ERBB4: variants seen among roughly 807,000 people sequenced by gnomAD.
ERBB4 encodes the protein receptor tyrosine-protein kinase erbB-4.
ERBB4 carries 42 observed loss-of-function variants against 158.0 expected under a neutral mutation model. The observed-to-expected ratio is 0.27, with a 90% confidence interval of 0.21 to 0.34. ERBB4 has a LOEUF of 0.34. ERBB4 is among the 10% of genes least tolerant of loss of function. ERBB4 has a pLI of 1.00. For missense variants in ERBB4, 1,333 were observed against 1,624.1 expected, an observed-to-expected ratio of 0.82 and a Z score of 3.08; for synonymous variants, 583 against 558.7, an observed-to-expected ratio of 1.04 and a Z score of -0.61.
intron 1 of ERBB4, 125 bp from the exon 2 acceptor site, chr2:212,125,028 ATCG>A: frequency 3.4e-6 from 4 of 1,191,780 alleles, no homozygotes; most frequent in Non-Finnish European, 4.9e-6. Context: ...AAATATTTCG[ATCG>A]TCATTAAGAG....
In ERBB4 at chr2:211,651,624, A is replaced by G. The variant is rs770744939; in HGVS notation, c.1946+6130T>C. Among the ~76,000 whole-genome samples the G allele has an allele frequency of 4.9e-4, 74 of 150,646 alleles. 1 individual carries two copies. Among genetic ancestry groups the G allele is most frequent in the Non-Finnish European group, 9.6e-4 (65 of 67,658 alleles). On this transcript the variant is annotated intron_variant, in intron 16 of 27. Coordinates refer to ENST00000342788, the MANE Select transcript of ERBB4 (RefSeq NM_005235.3). Reference sequence around the variant, plus strand: ...CTTCATATCTGGGTCTATTGGTCAGAGAGACAAAATCTAGGAGATTCAAAG... The same window carrying G: ...CTTCATATCTGGGTCTATTGGTCAGGGAGACAAAATCTAGGAGATTCAAAG...
intron 12 of ERBB4, among the ~76,000 whole-genome samples, chr2:211,695,363 T>C (rs1048934925): frequency 6.6e-6 from 1 of 152,156 alleles, no homozygotes; most frequent in Non-Finnish European, 1.5e-5. Context: ...GAGATAAATA[T>C]AAAAATGTGT....
At chr2:211,756,277 A>C (rs1219736082) in intron 4 of ERBB4, among the ~76,000 whole-genome samples, 1 of 152,186 alleles carries the variant, frequency 6.6e-6, no homozygotes, top group Non-Finnish European at 1.5e-5. Context: ...AAGGCTCTGC[A>C]GTTTAGTTTT....
chr2:212,471,328 T>A (rs1356598063), intron 1 of ERBB4, among the ~76,000 whole-genome samples: 1 of 152,014 alleles, frequency 6.6e-6, no homozygotes, highest in Non-Finnish European at 1.5e-5. Context: ...AAGAGACTCT[T>A]TGCAGAGTCT....
chr2:212,311,993 A>G (rs1332528120), intron 1 of ERBB4, among the ~76,000 whole-genome samples: 1 of 151,022 alleles, frequency 6.6e-6, no homozygotes, highest in African/African-American at 2.4e-5. Flanking sequence ...TCAATCTAAC[A>G]CTGAAAACAG....
At chr2:212,023,735 AT>A (rs908337243) in intron 2 of ERBB4, among the ~76,000 whole-genome samples, 3 of 151,966 alleles carry the variant, frequency 2.0e-5, no homozygotes, top group African/African-American at 7.2e-5. Flanking sequence ...AAAGAAAACA[AT>A]TTTATTGCTC....
chr2:211,900,954 C>A (rs1368066612), intron 3 of ERBB4, among the ~76,000 whole-genome samples: 2 of 152,148 alleles, frequency 1.3e-5, no homozygotes, highest in Non-Finnish European at 2.9e-5. Context: ...ATCATATTTA[C>A]CCCTTCCACT....
chr2:212,086,715 G>C (rs1010054771), intron 2 of ERBB4, among the ~76,000 whole-genome samples: 2 of 151,962 alleles, frequency 1.3e-5, no homozygotes, highest in Non-Finnish European at 2.9e-5. Flanking sequence ...ATCAGACCAG[G>C]TAAGAGAAGA....
At chr2:212,440,793 T>C (rs1038286937) in intron 1 of ERBB4, among the ~76,000 whole-genome samples, 2 of 152,210 alleles carry the variant, frequency 1.3e-5, no homozygotes, top group Non-Finnish European at 2.9e-5. Flanking sequence ...TTAGTGACTC[T>C]ATACATACAT....
intron 1 of ERBB4, among the ~76,000 whole-genome samples, chr2:212,329,842 T>C (rs1006965513): frequency 2.9e-4 from 44 of 152,158 alleles, no homozygotes; most frequent in African/African-American, 9.9e-4. Flanking sequence ...GTGCCTCCAA[T>C]CCCTTTAGAA....
intron 2 of ERBB4, among the ~76,000 whole-genome samples, chr2:211,996,266 T>C (rs767959202): frequency 1.9e-4 from 28 of 149,376 alleles, no homozygotes; most frequent in Non-Finnish European, 3.9e-4. Context: ...ATTTGGTTTA[T>C]TTTTTTTTTC....
chr2:211,624,975 T>C (rs1402684854), intron 17 of ERBB4, among the ~76,000 whole-genome samples: 2 of 151,238 alleles, frequency 1.3e-5, no homozygotes, highest in African/African-American at 4.9e-5. Context: ...ATTAGGCTGA[T>C]AGTTTTAGAC....
intron 20 of ERBB4, among the ~76,000 whole-genome samples, chr2:211,544,875 G>T (rs72941345): frequency 0.2 from 29,767 of 151,956 alleles, 3,317 homozygotes; most frequent in Non-Finnish European, 0.24. Context: ...TTTCCCTTAT[G>T]GTTTACTGCC....
chr2:211,523,645 G>C, intron 20 of ERBB4, among the ~76,000 whole-genome samples: 1 of 151,884 alleles, frequency 6.6e-6, no homozygotes, highest in Non-Finnish European at 1.5e-5. Context: ...CTCCCGGTGG[G>C]CTCGTGGTCC....
intron 5 of ERBB4, among the ~76,000 whole-genome samples, chr2:211,749,951 T>A (rs929669840): frequency 6.6e-6 from 1 of 152,204 alleles, no homozygotes; most frequent in Admixed American, 6.5e-5. Flanking sequence ...AAATCATTTA[T>A]TCTTAAGTTT....
chr2:211,785,230 T>C (rs942119908), intron 4 of ERBB4, among the ~76,000 whole-genome samples: 6 of 151,820 alleles, frequency 4.0e-5, no homozygotes, highest in African/African-American at 1.5e-4. Context: ...GCCTCCCGAG[T>C]AGCTGGGACT....
At chr2:211,820,750 C>A (rs1054138044) in intron 3 of ERBB4, among the ~76,000 whole-genome samples, 1 of 151,706 alleles carries the variant, frequency 6.6e-6, no homozygotes, top group Non-Finnish European at 1.5e-5. Flanking sequence ...TGATCAAGTG[C>A]GGTTTATTCC....
intron 3 of ERBB4, among the ~76,000 whole-genome samples, chr2:211,821,568 T>G (rs2076995371): frequency 6.6e-6 from 1 of 151,730 alleles, no homozygotes; most frequent in African/African-American, 2.4e-5. Flanking sequence ...AAAACAATCC[T>G]GATCAAAAGG....
intron 1 of ERBB4, among the ~76,000 whole-genome samples, chr2:212,141,496 A>C (rs73987273): frequency 0.022 from 3,298 of 152,180 alleles, 123 homozygotes; most frequent in African/African-American, 0.075. Flanking sequence ...AGACTGCTCC[A>C]ACAGTACTAT....
Sources: allele counts gnomAD v4.1 joint callset (sites outside exome capture counted in the v4.1 genomes callset), GRCh38; gene constraint gnomAD v4.1.1; transcripts MANE v1.5; gene names NCBI Gene and HGNC (gene_info 2026-07-23, HGNC 2026-07-21).